The following PLA2G4A variants were observed in gnomAD, a reference collection of about 807,000 sequenced individuals.
PLA2G4A encodes the protein phospholipase A2 group IVA.
Under a neutral mutation model 81.9 loss-of-function variants are expected in PLA2G4A, and 40 were observed. The ratio of observed to expected loss-of-function variants is 0.49; its 90% CI spans 0.38 to 0.64. The LOEUF (loss-of-function observed/expected upper bound fraction) is 0.64, where lower values mean the gene tolerates loss of function less well. PLA2G4A is among the 30% of genes least tolerant of loss of function. PLA2G4A has a pLI of 0.00. For synonymous variants in PLA2G4A, 302 were observed against 296.9 expected (o/e 1.02, Z -0.18); for missense variants, 715 against 905.1 (o/e 0.79, Z 2.69).
At chr1:186,852,334 A>T (rs756150343) in intron 1 of PLA2G4A, among the ~76,000 whole-genome samples, 11 of 152,040 alleles carry the variant, frequency 7.2e-5, no homozygotes, top group Non-Finnish European at 8.8e-5. Flanking sequence ...TGGAAAGATG[A>T]TATTGGAATA....
rs71104890 is a variant in PLA2G4A at position 186,830,957 on chromosome 1, GCTTTCTTTCTTTCTTTCTTTCTTTCTTT to G, written c.-70+1959_-70+1986del. On this transcript the variant is annotated intron_variant, in intron 1 of 17. Coordinates refer to ENST00000367466, the MANE Select transcript of PLA2G4A (RefSeq NM_024420.3). ...GTATAGCTTGCTTGCTTGCTTGCTT[GCTTTCTTTCTTTCTTTCTTTCTTTCTTT>G]CTTTCTTTCTTTCTTTCTTTCTTTC... is the stretch of plus-strand genomic sequence containing the variant. Among the ~76,000 whole-genome samples the G allele has an allele frequency of 4.3e-3, 355 of 82,784 alleles. 2 individuals are homozygous for G. The highest frequency in any genetic ancestry group is 0.013 in the African/African-American group (331 of 24,876). The allele number at this position is 82,784 out of a possible 152,430, so 54.3% of individuals were successfully genotyped here.
At chr1:186,926,455 T>C (rs748070806) in intron 7 of PLA2G4A, among the ~76,000 whole-genome samples, 16 of 152,254 alleles carry the variant, frequency 1.1e-4, no homozygotes, top group South Asian at 2.1e-4. Context: ...AAGTTATCAG[T>C]ACCACCCATT....
intron 2 of PLA2G4A, among the ~76,000 whole-genome samples, chr1:186,856,494 A>G (rs1652558380): frequency 6.6e-6 from 1 of 151,750 alleles, no homozygotes; most frequent in East Asian, 1.9e-4. Context: ...GGTTCAAGCA[A>G]TTCGCGTGAC....
chr1:186,885,627 T>C (rs765941023), intron 3 of PLA2G4A, among the ~76,000 whole-genome samples: 1 of 152,162 alleles, frequency 6.6e-6, no homozygotes, highest in Admixed American at 6.6e-5. Context: ...GATCCACAAG[T>C]ATTGGATATG....
At chr1:186,863,175 T>G (rs1003116612) in intron 2 of PLA2G4A, among the ~76,000 whole-genome samples, 2 of 152,226 alleles carry the variant, frequency 1.3e-5, no homozygotes, top group African/African-American at 2.4e-5. Flanking sequence ...GCTCAAGCGA[T>G]CCTTCTGTCT....
intron 1 of PLA2G4A, among the ~76,000 whole-genome samples, chr1:186,836,219 A>G (rs572454422): frequency 1.3e-5 from 2 of 151,444 alleles, no homozygotes; most frequent in East Asian, 1.9e-4. Context: ...ATGCATTAAT[A>G]TAATTAATAA....
chr1:186,965,302 G>T, intron 14 of PLA2G4A, 107 bp from the exon 15 acceptor site: 1 of 814,560 alleles, frequency 1.2e-6, no homozygotes, highest in Non-Finnish European at 2.0e-6. Flanking sequence ...AAAGCCTGAG[G>T]GCCTAATCAT....
intron 3 of PLA2G4A, among the ~76,000 whole-genome samples, chr1:186,879,835 T>TTA (rs72346641): frequency 9.2e-6 from 1 of 108,158 alleles, no homozygotes; most frequent in Admixed American, 9.0e-5. Flanking sequence ...TTTTATTTAT[T>TTA]TATATATATA....
chr1:186,846,614 A>C (rs1652184109), intron 1 of PLA2G4A, among the ~76,000 whole-genome samples: 1 of 152,102 alleles, frequency 6.6e-6, no homozygotes, highest in Non-Finnish European at 1.5e-5. Flanking sequence ...TTTGGATTCC[A>C]TTAGTCTTTT....
At chr1:186,892,899 A>C (rs1399930551) in intron 3 of PLA2G4A, 112 bp from the exon 4 acceptor site, 1 of 786,346 alleles carries the variant, frequency 1.3e-6, no homozygotes. Context: ...CAGACATTTA[A>C]ATACATCACT....
chr1:186,963,553 A>G (rs1332345951), intron 14 of PLA2G4A, among the ~76,000 whole-genome samples: 1 of 152,232 alleles, frequency 6.6e-6, no homozygotes, highest in Non-Finnish European at 1.5e-5. Flanking sequence ...TGTCTTTAAA[A>G]ATAGCTTTAT....
chr1:186,895,463 C>A (rs534092142), intron 5 of PLA2G4A, among the ~76,000 whole-genome samples: 2 of 152,336 alleles, frequency 1.3e-5, no homozygotes, highest in African/African-American at 4.8e-5. Flanking sequence ...TCATTCATTC[C>A]TTTTACAAAC....
intron 3 of PLA2G4A, 64 bp from the exon 4 acceptor site, chr1:186,892,947 T>TA (rs369232155): frequency 3.5e-5 from 41 of 1,155,010 alleles, no homozygotes; most frequent in Non-Finnish European, 4.7e-5. Context: ...CATATATTAA[T>TA]AAAAAAATTA....
chr1:186,923,401 C>G (rs985459876), intron 7 of PLA2G4A, among the ~76,000 whole-genome samples: 3 of 152,140 alleles, frequency 2.0e-5, no homozygotes, highest in Admixed American at 1.3e-4. Flanking sequence ...TTGGTATACC[C>G]TCAAAACAGA....
chr1:186,955,735 T>C (rs1656723353), intron 13 of PLA2G4A, among the ~76,000 whole-genome samples: 2 of 1,364 alleles, frequency 1.5e-3, no homozygotes, highest in Non-Finnish European at 1.4e-3. Context: ...AGAAGATCCC[T>C]TTTTTTTTTT....
intron 5 of PLA2G4A, among the ~76,000 whole-genome samples, chr1:186,900,085 G>A (rs543080060): frequency 2.0e-5 from 3 of 152,052 alleles, no homozygotes; most frequent in Non-Finnish European, 4.4e-5. Context: ...TGTATTTGTT[G>A]GAGTCAAAAA....
chr1:186,920,960 T>C (rs1443405059), intron 7 of PLA2G4A, among the ~76,000 whole-genome samples: 1 of 152,234 alleles, frequency 6.6e-6, no homozygotes, highest in Non-Finnish European at 1.5e-5. Context: ...ATGTTAATCA[T>C]GTGCTGATTT....
At chr1:186,881,633 GT>G (rs1330593653) in intron 3 of PLA2G4A, among the ~76,000 whole-genome samples, 1 of 152,010 alleles carries the variant, frequency 6.6e-6, no homozygotes, top group Non-Finnish European at 1.5e-5. Context: ...TGAGGTTCAG[GT>G]TTTTTTAATA....
intron 14 of PLA2G4A, among the ~76,000 whole-genome samples, chr1:186,960,416 C>T (rs1239347002): frequency 2.0e-5 from 3 of 152,152 alleles, no homozygotes; most frequent in African/African-American, 7.2e-5. Flanking sequence ...AGTTATGTTT[C>T]CACAACCGCA....
Sources: gnomAD v4.1 joint callset for allele counts (sites outside exome capture counted in the v4.1 genomes callset) on GRCh38, gnomAD v4.1.1 for gene constraint, MANE v1.5 for transcripts, NCBI Gene and HGNC (gene_info 2026-07-23, HGNC 2026-07-21) for gene names.